GTF2H3: variants seen among roughly 807,000 people sequenced by gnomAD.
GTF2H3 encodes TFIIH basal transcription factor complex p34 subunit.
GTF2H3 carries 42 observed loss-of-function variants against 51.1 expected under a neutral mutation model. That is an observed-to-expected ratio of 0.82 (90% CI 0.64 to 1.06). GTF2H3 has a LOEUF of 1.06. GTF2H3 is among the 50% of genes least tolerant of loss of function. The pLI is 0.00. For missense variants in GTF2H3, 326 were observed against 366.1 expected (o/e 0.89, Z 0.89); for synonymous variants, 123 against 123.8 (o/e 0.99, Z 0.04).
chr12:123,655,582 G>T, intron 8 of GTF2H3, 189 bp from the exon 9 acceptor site: 1 of 497,432 alleles, frequency 2.0e-6, no homozygotes, highest in Non-Finnish European at 3.6e-6. Context: ...CTCACCCGCT[G>T]GCTCTGTGAC....
chr12:123,652,564 A>G lies in GTF2H3; in HGVS notation c.457+3A>G. ...TAGAATGAACAAGGAAGTTAAAGGT[A>G]AGAGCCTACGTTTTCCTATGAGAAC... On this transcript the variant is annotated splice_donor_region_variant and intron_variant, in intron 6 of 12. Transcript: ENST00000543341. 1 of 1,486,108 alleles carries G rather than the reference A, an allele frequency of 6.7e-7. No individual in the cohort carries two copies. Among genetic ancestry groups the G allele is most frequent in the Non-Finnish European group, 9.2e-7 (1 of 1,084,328 alleles). The allele number at this position is 1,486,108 out of a possible 1,614,324, so 92.1% of individuals were successfully genotyped here.
chr12:123,650,255 C>G (rs11572966), intron 4 of GTF2H3: 1 of 152,156 alleles, frequency 6.6e-6, no homozygotes, highest in Non-Finnish European at 1.5e-5. Context: ...TGACTTTTTT[C>G]ACCCAAGGCA....
At chr12:123,647,909 T>G in intron 3 of GTF2H3, 54 bp from the exon 4 acceptor site, 3 of 1,356,742 alleles carry the variant, frequency 2.2e-6, no homozygotes, top group Non-Finnish European at 3.1e-6. Flanking sequence ...TGATCATGAG[T>G]GAGCCTGGGC....
At chr12:123,659,953 T>C in intron 11 of GTF2H3, 23 bp downstream of exon 11, 1 of 1,608,016 alleles carries the variant, frequency 6.2e-7, no homozygotes, top group South Asian at 1.1e-5. Flanking sequence ...ACCTAGTTTT[T>C]CTTTTTTTTC....
chr12:123,654,821 C>CA, intron 7 of GTF2H3, 103 bp from the exon 8 acceptor site: 1 of 783,272 alleles, frequency 1.3e-6, no homozygotes, highest in Non-Finnish European at 2.3e-6. Flanking sequence ...AATGGGAAGA[C>CA]AAACTGGAAT....
Position 123,648,022 on chromosome 12 carries a change from A to G in GTF2H3, c.260A>G (p.Asn87Ser), listed in dbSNP as rs767116250. ...RLGDFFGDPGNPPEFNPSGSK... is the reference protein window; with the variant it reads ...RLGDFFGDPGSPPEFNPSGSK... The stretch of plus-strand genomic sequence containing the variant: ...GGAGACTTCTTCGGAGACCCTGGCA[A>G]CCCTCCTGAATTTAATCCCTCTGGG... Residue 87 changes from asparagine (N) to serine (S), a missense_variant, in exon 4 of 13, where the codon AAC (asparagine) becomes AGC (serine). By Grantham distance (46) the Asn-to-Ser change is conservative. Transcript: ENST00000543341. 13 of 1,612,616 alleles carry G rather than the reference A, an allele frequency of 8.1e-6. No homozygotes were observed. The East Asian group carries it at 1.1e-4, about 14-fold the overall frequency.
intron 2 of GTF2H3, among the ~76,000 whole-genome samples, chr12:123,641,524 C>A (rs1955372424): frequency 6.7e-6 from 1 of 149,986 alleles, no homozygotes; most frequent in African/African-American, 2.5e-5. Flanking sequence ...CGTGTCTGCC[C>A]CCGTTTTTTT....
At chr12:123,655,085 T>C in intron 8 of GTF2H3, 87 bp downstream of exon 8, 1 of 984,266 alleles carries the variant, frequency 1.0e-6, no homozygotes, top group Non-Finnish European at 1.6e-6. Flanking sequence ...TGAGGTATTC[T>C]GACTACGTAG....
intron 1 of GTF2H3, among the ~76,000 whole-genome samples, chr12:123,638,325 A>ATT (rs1187510784): frequency 1.4e-5 from 2 of 142,110 alleles, no homozygotes; most frequent in Admixed American, 7.1e-5. Context: ...AACCCAGCTA[A>ATT]TTTTTTTTTT....
intron 3 of GTF2H3, among the ~76,000 whole-genome samples, chr12:123,647,396 C>T (rs771823797): frequency 3.3e-5 from 5 of 151,454 alleles, no homozygotes; most frequent in Admixed American, 1.3e-4. Context: ...CACTTGAGCC[C>T]GGGAGGTGGA....
At chr12:123,658,543 G>A (rs1955615041) in intron 9 of GTF2H3, among the ~76,000 whole-genome samples, 1 of 152,068 alleles carries the variant, frequency 6.6e-6, no homozygotes, top group Non-Finnish European at 1.5e-5. Flanking sequence ...TGTTGCTCAG[G>A]CTGGTCTTGA....
Position 123,645,333 on chromosome 12 carries a change from G to T in GTF2H3, c.94-122G>T, listed in dbSNP as rs946042050. ...AGTCCTCCCACCTTGGCCTCTCAGGGTGCTGGGATTACAGGCTTGAGCCAC... is the reference window on the plus strand; with the variant it reads ...AGTCCTCCCACCTTGGCCTCTCAGGTTGCTGGGATTACAGGCTTGAGCCAC... On this transcript the variant is annotated intron_variant, in intron 2 of 12. Transcript: ENST00000543341. 1.1e-5 allele frequency: 7 copies of T among 628,876 alleles called. 1 individual carries two copies. The highest frequency in any genetic ancestry group is 2.8e-5 in the East Asian group (1 of 36,032). The allele number at this position is 628,876 out of a possible 1,614,324, so 39.0% of individuals were successfully genotyped here.
chr12:123,662,520 G>C lies in GTF2H3; in HGVS notation c.*2285G>C, dbSNP rs1351598981. On this transcript the variant is annotated 3_prime_UTR_variant, in exon 13 of 13. Coordinates refer to ENST00000543341, the MANE Select transcript of GTF2H3 (RefSeq NM_001516.5). ...TTTATTTGAAATATCTTATATATTT[G>C]GTTAGTTCTGTTTAACTTGTTTTTA... The C allele has an allele frequency of 6.6e-6, 1 of 152,012 alleles. No individual in the cohort carries two copies. The highest frequency in any genetic ancestry group is 1.9e-4 in the East Asian group (1 of 5,200). 9.4% of individuals were successfully genotyped at this position (152,012 alleles called of 1,614,324 possible).
At chr12:123,646,292 TGTCACCCA>T (rs1955446360) in intron 3 of GTF2H3, among the ~76,000 whole-genome samples, 1 of 151,080 alleles carries the variant, frequency 6.6e-6, no homozygotes, top group Admixed American at 6.6e-5. Flanking sequence ...GATCTTGCTC[TGTCACCCA>T]GGCTAGAGTG....
intron 2 of GTF2H3, among the ~76,000 whole-genome samples, chr12:123,642,746 G>A (rs1431256762): frequency 1.3e-5 from 2 of 152,168 alleles, no homozygotes; most frequent in South Asian, 2.1e-4. Flanking sequence ...ATCTGATAAC[G>A]CAGTGTTATA....
At chr12:123,641,543 G>GTTT (rs57962738) in intron 2 of GTF2H3, among the ~76,000 whole-genome samples, 5 of 140,600 alleles carry the variant, frequency 3.6e-5, no homozygotes, top group African/African-American at 1.4e-4. Context: ...TTTTTTGTGT[G>GTTT]TTTTTTTTTT....
At chr12:123,636,202 G>A (rs1408167196) in intron 1 of GTF2H3, among the ~76,000 whole-genome samples, 1 of 152,162 alleles carries the variant, frequency 6.6e-6, no homozygotes, top group Admixed American at 6.5e-5. Context: ...ATGAAAAATG[G>A]CAGGAAAATG....
chr12:123,644,263 A>G (rs1166744182), intron 2 of GTF2H3, among the ~76,000 whole-genome samples: 1 of 152,146 alleles, frequency 6.6e-6, no homozygotes, highest in Non-Finnish European at 1.5e-5. Flanking sequence ...TTCTCTGAAC[A>G]TATGAGTACC....
chr12:123,655,272 C>T (rs1955572648), intron 8 of GTF2H3, among the ~76,000 whole-genome samples: 1 of 152,156 alleles, frequency 6.6e-6, no homozygotes, highest in Admixed American at 6.5e-5. Context: ...GACCCCATGC[C>T]AAGAATCCCT....
Sources: gnomAD v4.1 joint callset for allele counts (sites outside exome capture counted in the v4.1 genomes callset) on GRCh38, gnomAD v4.1.1 for gene constraint, MANE v1.5 for transcripts, NCBI Gene and HGNC (gene_info 2026-07-23, HGNC 2026-07-21) for gene names.